PPM1L: variants seen among roughly 807,000 people sequenced by gnomAD.
PPM1L encodes protein phosphatase, Mg2+/Mn2+ dependent 1L.
Under a neutral mutation model 31.4 loss-of-function variants are expected in PPM1L, and 13 were observed. The ratio of observed to expected loss-of-function variants is 0.41; its 90% CI spans 0.27 to 0.66. The LOEUF is 0.66. Among genes scored for constraint, PPM1L ranks in the 30% least tolerant of loss-of-function variants. PPM1L has a pLI of 0.29. For synonymous variants in PPM1L, 184 were observed against 175.4 expected (o/e 1.05, Z -0.39); for missense variants, 326 against 453.7 (o/e 0.72, Z 2.56).
chr3:160,861,203 G>T (rs1711876092), intron 1 of PPM1L, among the ~76,000 whole-genome samples: 1 of 152,152 alleles, frequency 6.6e-6, no homozygotes, highest in Non-Finnish European at 1.5e-5. Context: ...CACCTCTGTG[G>T]CATTAACCCA....
chr3:160,993,640 T>C (rs889789864), intron 2 of PPM1L, among the ~76,000 whole-genome samples: 1 of 152,102 alleles, frequency 6.6e-6, no homozygotes, highest in Non-Finnish European at 1.5e-5. Context: ...TTGGTAAATG[T>C]GGAGGGACCG....
intron 2 of PPM1L, among the ~76,000 whole-genome samples, chr3:160,968,995 A>G (rs1716240371): frequency 6.6e-6 from 1 of 152,224 alleles, no homozygotes; most frequent in Admixed American, 6.5e-5. Context: ...TTACGCGTAG[A>G]AAGTGAACCA....
At chr3:161,020,112 G>C (rs1200371271) in intron 2 of PPM1L, among the ~76,000 whole-genome samples, 2 of 132,104 alleles carry the variant, frequency 1.5e-5, no homozygotes, top group African/African-American at 5.9e-5. Context: ...GCGACAGAGA[G>C]AGACTCCACC....
chr3:160,778,278 A>C (rs746149834), intron 1 of PPM1L, among the ~76,000 whole-genome samples: 1 of 152,052 alleles, frequency 6.6e-6, no homozygotes, highest in African/African-American at 2.4e-5. Context: ...TCCAGATATT[A>C]ATCTCTTATC....
intron 2 of PPM1L, among the ~76,000 whole-genome samples, chr3:161,062,349 TCCCAGCACTTTAAAAGG>T (rs1316614988): frequency 6.6e-6 from 1 of 152,280 alleles, no homozygotes; most frequent in Admixed American, 6.5e-5. Context: ...ACACCTGTAA[TCCCAGCACTTTAAAAGG>T]CCAGCAGGCG....
chr3:160,775,663 T>A (rs1711543155), intron 1 of PPM1L, among the ~76,000 whole-genome samples: 1 of 152,204 alleles, frequency 6.6e-6, no homozygotes. Context: ...AGCTAGGCAA[T>A]ACTCTCAGAT....
intron 1 of PPM1L, among the ~76,000 whole-genome samples, chr3:160,958,481 G>GA (rs1430618551): frequency 2.0e-5 from 3 of 152,012 alleles, no homozygotes; most frequent in African/African-American, 4.8e-5. Context: ...GCATTTCAAG[G>GA]AAAAAAATTA....
intron 1 of PPM1L, among the ~76,000 whole-genome samples, chr3:160,870,186 A>G (rs1712252878): frequency 6.6e-6 from 1 of 152,142 alleles, no homozygotes; most frequent in Non-Finnish European, 1.5e-5. Context: ...AGAAGGCTAG[A>G]ATGCCAGGTA....
At chr3:160,793,733 A>G (rs187798409) in intron 1 of PPM1L, among the ~76,000 whole-genome samples, 2 of 152,312 alleles carry the variant, frequency 1.3e-5, no homozygotes, top group East Asian at 1.9e-4. Flanking sequence ...ACAGTTTGCA[A>G]ACTGAGGAGA....
At chr3:160,789,978 G>C (rs538142259) in intron 1 of PPM1L, among the ~76,000 whole-genome samples, 2 of 152,148 alleles carry the variant, frequency 1.3e-5, no homozygotes, top group Non-Finnish European at 2.9e-5. Flanking sequence ...ATCATCTCTA[G>C]ATTACTTATA....
chr3:160,946,075 C>T (rs1715398528), intron 1 of PPM1L, among the ~76,000 whole-genome samples: 1 of 152,052 alleles, frequency 6.6e-6, no homozygotes, highest in Non-Finnish European at 1.5e-5. Context: ...TAAGGGTCAA[C>T]TGTATGTATG....
rs750695663 is a variant in PPM1L at position 161,065,509 on chromosome 3, G to A, written c.681G>A (p.Leu227=). 6.2e-7 allele frequency: 1 copy of A among 1,614,074 alleles called. No homozygotes were observed. The highest frequency in any genetic ancestry group is 8.5e-7 in the Non-Finnish European group (1 of 1,179,976). ...ACAAAGATGGGAACGCTATTCCTTT[G>A]TCTCATGATCACAAGCCTTACCAGT... ...LCDKDGNAIP[L]SHDHKPYQLK... The change falls in exon 3 of 4, where the codon TTG becomes TTA. Residue 227 remains leucine (L), a synonymous_variant. Coordinates refer to ENST00000498165, the MANE Select transcript of PPM1L (RefSeq NM_139245.4).
rs1720088768 is a variant in PPM1L, at chr3:161,076,133, A to G, written c.*6976A>G. ...AGAGTTTTCTAATCCATATAATGCA[A>G]TGGGTCAGGTTGCTCATATGATTAA... On this transcript the variant is annotated 3_prime_UTR_variant, in exon 4 of 4. Coordinates refer to ENST00000498165, the MANE Select transcript of PPM1L (RefSeq NM_139245.4). The G allele has an allele frequency of 6.6e-6, 1 of 152,242 alleles. No individual in the cohort carries two copies. The highest frequency in any genetic ancestry group is 2.4e-5 in the African/African-American group (1 of 41,470). The allele number at this position is 152,242 out of a possible 1,614,324, so 9.4% of individuals were successfully genotyped here. A position where few individuals can be genotyped will look rare whatever the true frequency, so the allele number is the denominator to read the frequency against.
chr3:160,908,206 A>G (rs1469274900), intron 1 of PPM1L, among the ~76,000 whole-genome samples: 1 of 152,226 alleles, frequency 6.6e-6, no homozygotes, highest in Non-Finnish European at 1.5e-5. Flanking sequence ...CAAGTCTTCA[A>G]GAAACTTTGT....
Position 161,070,150 on chromosome 3 carries a change from G to GT in PPM1L, c.*998dup. On this transcript the variant is annotated 3_prime_UTR_variant, in exon 4 of 4. Coordinates refer to ENST00000498165, the MANE Select transcript of PPM1L (RefSeq NM_139245.4). ...ACCCTGAATTGAGCTCCAGCTGCCA[G>GT]TTTTTGTGTTTTTCCTTGCCCCTTT... is the stretch of plus-strand genomic sequence containing the variant. The GT allele has an allele frequency of 6.6e-6, 1 of 152,440 alleles. No homozygotes were observed. Among genetic ancestry groups the GT allele is most frequent in the East Asian group, 1.9e-4 (1 of 5,186 alleles). 9.4% of individuals were successfully genotyped at this position (152,440 alleles called of 1,614,324 possible).
chr3:160,953,550 T>C (rs1034947728), intron 1 of PPM1L, among the ~76,000 whole-genome samples: 3 of 152,236 alleles, frequency 2.0e-5, no homozygotes, highest in Non-Finnish European at 2.9e-5. Context: ...CAGAGAAATA[T>C]ACTAAAAGTG....
At chr3:161,047,429 A>T (rs1340126644) in intron 2 of PPM1L, among the ~76,000 whole-genome samples, 2 of 152,212 alleles carry the variant, frequency 1.3e-5, no homozygotes, top group African/African-American at 2.4e-5. Flanking sequence ...GCTCAACAAA[A>T]TAAAAGAGGT....
intron 1 of PPM1L, among the ~76,000 whole-genome samples, chr3:160,878,208 A>G (rs1434185373): frequency 6.6e-6 from 1 of 152,224 alleles, no homozygotes; most frequent in East Asian, 1.9e-4. Flanking sequence ...ATATGCAAAC[A>G]AAAGGCTGTC....
In PPM1L at chr3:160,756,298, A is replaced by G; in HGVS notation, c.-11A>G. On this transcript the variant is annotated 5_prime_UTR_variant, in exon 1 of 4. Coordinates refer to ENST00000498165, the MANE Select transcript of PPM1L (RefSeq NM_139245.4). The surrounding 1 kb of genome is among the most constrained non-coding windows in gnomAD (Gnocchi z 6.2). ...CGTCGCTGGTGGTGGTTGAGGCTCT[A>G]GCGATAATAAATGATAGAGGATACA... 1 of 1,598,648 alleles carries G rather than the reference A, an allele frequency of 6.3e-7. No homozygotes were observed.
Sources: gnomAD v4.1 joint callset for allele counts (sites outside exome capture counted in the v4.1 genomes callset) on GRCh38, gnomAD v4.1.1 for gene constraint, Gnocchi (gnomAD v3.1) non-coding constraint, MANE v1.5 for transcripts, NCBI Gene and HGNC (gene_info 2026-07-23, HGNC 2026-07-21) for gene names.